ACP2: variants seen among roughly 807,000 people sequenced by gnomAD.
The protein encoded by ACP2 is acid phosphatase 2, lysosomal.
A neutral mutation model predicts 54.7 loss-of-function variants in ACP2; 35 were observed. The observed-to-expected ratio is 0.64, with a 90% CI of 0.49 to 0.85. ACP2 has a LOEUF of 0.85. ACP2 is among the 40% of genes least tolerant of loss of function. The pLI, the probability that ACP2 is intolerant of heterozygous loss-of-function variation, is 0.00. For missense variants in ACP2, 492 were observed against 565.0 expected (o/e 0.87, Z 1.31); for synonymous variants, 210 against 224.4 (o/e 0.94, Z 0.57).
At chr11:47,245,086 C>T in intron 6 of ACP2, 1 of 946,452 alleles carries the variant, frequency 1.1e-6, no homozygotes, top group Admixed American at 2.1e-5. Flanking sequence ...GAAAGGAGCT[C>T]TGGGTGGAGA....
At chr11:47,241,408 T>C (rs1168471843) in intron 10 of ACP2, among the ~76,000 whole-genome samples, 1 of 152,070 alleles carries the variant, frequency 6.6e-6, no homozygotes, top group East Asian at 1.9e-4. Context: ...TCCCAGCTAC[T>C]CGGGAGGCTG....
intron 9 of ACP2, 57 bp downstream of exon 9, chr11:47,242,961 T>C: frequency 6.2e-7 from 1 of 1,611,886 alleles, no homozygotes; most frequent in Non-Finnish European, 8.5e-7. Flanking sequence ...GTCCTTGGGC[T>C]GCCCCGAGCC....
At chr11:47,241,570 A>T (rs902192053) in intron 10 of ACP2, among the ~76,000 whole-genome samples, 1 of 152,240 alleles carries the variant, frequency 6.6e-6, no homozygotes, top group Non-Finnish European at 1.5e-5. Context: ...TAGGGACAAG[A>T]ATAGAACCAG....
chr11:47,245,193 C>G (rs759101018), intron 6 of ACP2, 112 bp downstream of exon 6: 1 of 1,223,142 alleles, frequency 8.2e-7, no homozygotes, highest in South Asian at 1.2e-5. Context: ...CACAGCCTCC[C>G]TGGACCTCCC....
chr11:47,246,586 A>G (rs1954102292), intron 3 of ACP2, among the ~76,000 whole-genome samples: 1 of 151,794 alleles, frequency 6.6e-6, no homozygotes, highest in Admixed American at 6.6e-5. Flanking sequence ...ATATATGTAT[A>G]TATTTTGGGC....
chr11:47,247,869 C>T, intron 2 of ACP2, 142 bp from the exon 3 acceptor site: 1 of 906,870 alleles, frequency 1.1e-6, no homozygotes, highest in Non-Finnish European at 1.7e-6. Context: ...ATTAAGTGGC[C>T]AGTCATGCAC....
At position 47,239,982 on chromosome 11, in the gene ACP2, C is replaced by T; in HGVS notation, c.*134G>A. On this transcript the variant is annotated 3_prime_UTR_variant, in exon 11 of 11. Transcript: ENST00000672073. ...CATGGGCCACGCTGAGCCCCACTCG[C>T]TCATCTGGCTGGGGTCATCAGAGGG... 1 of 910,492 alleles carries T rather than the reference C, an allele frequency of 1.1e-6. No individual in the cohort carries two copies. 56.4% of individuals were successfully genotyped at this position (910,492 alleles called of 1,614,324 possible).
In ACP2 at chr11:47,245,671, G is replaced by A; in HGVS notation, c.450+11C>T. ...CCCTCACCACCCCAGGGAAGGGCTG[G>A]CCACTCTTACCCTGTCCTCAGTGAT... On this transcript the variant is annotated intron_variant, in intron 4 of 10. Transcript: ENST00000672073. 1.9e-6 allele frequency: 3 copies of A among 1,613,168 alleles called. No homozygotes were observed. Among genetic ancestry groups the A allele is most frequent in the Non-Finnish European group, 2.5e-6 (3 of 1,179,244 alleles).
At chr11:47,243,651 G>A (rs1296098397) in intron 7 of ACP2, among the ~76,000 whole-genome samples, 1 of 152,156 alleles carries the variant, frequency 6.6e-6, no homozygotes, top group Non-Finnish European at 1.5e-5. Flanking sequence ...GTGCATGCCC[G>A]GGTAACTACC....
In ACP2 at chr11:47,245,690, C is replaced by A; in HGVS notation, c.442G>T (p.Glu148Ter). 1 of 1,613,038 alleles carries A rather than the reference C, an allele frequency of 6.2e-7. No homozygotes were observed. The change falls in exon 4 of 11, where the codon GAG (glutamate) becomes TAG (stop). Residue 148 changes from glutamate to a stop codon, truncating the protein, a stop_gained. Transcript: ENST00000672073. LOFTEE classifies it high-confidence loss of function. Reference sequence around the variant, plus strand: ...GGGCTGGCCACTCTTACCCTGTCCTCAGTGATGGGCACAGTGTGCACAGGA... The same window carrying A: ...GGGCTGGCCACTCTTACCCTGTCCTAAGTGATGGGCACAGTGTGCACAGGA... ...PIPVHTVPIT[E>*]DRLLKFPLGP...
In ACP2 at chr11:47,239,954, C is replaced by A. The variant is rs949615692; in HGVS notation, c.*162G>T. ...AGGCATGGGAATGCTGAGTGACAGGCACCATGGGCCACGCTGAGCCCCACT... is the reference window on the plus strand; with the variant it reads ...AGGCATGGGAATGCTGAGTGACAGGAACCATGGGCCACGCTGAGCCCCACT... On this transcript the variant is annotated 3_prime_UTR_variant, in exon 11 of 11. Transcript: ENST00000672073. The A allele has an allele frequency of 1.8e-5, 12 of 666,896 alleles. No individual in the cohort carries two copies. The highest frequency in any genetic ancestry group is 3.0e-5 in the Non-Finnish European group (12 of 397,964). The allele number at this position is 666,896 out of a possible 1,614,324, so 41.3% of individuals were successfully genotyped here.
In ACP2 at chr11:47,240,108, A is replaced by G; in HGVS notation, c.*8T>C. ...CTAGGAGGTGGAGGGAAGGGGGCTGAGTGGTTGTCAGGCGTGGTCCTCCCC... is the reference window on the plus strand; with the variant it reads ...CTAGGAGGTGGAGGGAAGGGGGCTGGGTGGTTGTCAGGCGTGGTCCTCCCC... On this transcript the variant is annotated 3_prime_UTR_variant, in exon 11 of 11. Coordinates refer to ENST00000672073, the MANE Select transcript of ACP2 (RefSeq NM_001610.4). 1 of 1,612,166 alleles carries G rather than the reference A, an allele frequency of 6.2e-7. No individual in the cohort carries two copies. The highest frequency in any genetic ancestry group is 8.5e-7 in the Non-Finnish European group (1 of 1,179,310).
Position 47,247,735 on chromosome 11 carries a change from C to T in ACP2, c.211-8G>A, listed in dbSNP as rs773275558. 1 of 1,613,090 alleles carries T rather than the reference C, an allele frequency of 6.2e-7. No individual in the cohort carries two copies. The highest frequency in any genetic ancestry group is 8.5e-7 in the Non-Finnish European group (1 of 1,179,806). On this transcript the variant is annotated splice_region_variant and splice_polypyrimidine_tract_variant and intron_variant, in intron 2 of 10. Coordinates refer to ENST00000672073, the MANE Select transcript of ACP2 (RefSeq NM_001610.4). The stretch of plus-strand genomic sequence containing the variant: ...GTGCTGTAGCATCCCCTCCTGTGGG[C>T]AAACCCAAGGGTTAAGAGGGTCTAG...
Position 47,245,601 on chromosome 11 carries a change from C to T in ACP2, c.451-29G>A, listed in dbSNP as rs375804831. ...TAGAGCGAAGCGGGGAAACAGGCAG[C>T]GGGAAAAGGAGCCTGGCATCAGCAG... On this transcript the variant is annotated intron_variant, in intron 4 of 10. Transcript: ENST00000672073. 108 of 1,614,174 alleles carry T rather than the reference C, an allele frequency of 6.7e-5. No individual in the cohort carries two copies. In the South Asian group the frequency reaches 8.2e-4, roughly 12 times the overall value.
At chr11:47,244,708 G>C (rs1305594952) in intron 7 of ACP2, 27 bp downstream of exon 7, 1 of 1,568,304 alleles carries the variant, frequency 6.4e-7, no homozygotes, top group African/African-American at 1.3e-5. Flanking sequence ...CTGAGGAGTA[G>C]AGTGACACGC....
At chr11:47,240,370 T>C (rs1591007899) in intron 10 of ACP2, 121 bp from the exon 11 acceptor site, 2 of 612,390 alleles carry the variant, frequency 3.3e-6, no homozygotes, top group East Asian at 5.8e-5. Context: ...TCATGGAGTT[T>C]ACATTCTAGG....
chr11:47,242,738 C>T lies in ACP2; in HGVS notation c.1123G>A (p.Gly375Ser), dbSNP rs370922463. ...GACAGCTCACCTGTGTCTGCAGGACCGCTTGCCAGCTGGCACTCCTGCTGC... is the reference window on the plus strand; with the variant it reads ...GACAGCTCACCTGTGTCTGCAGGACTGCTTGCCAGCTGGCACTCCTGCTGC... ...DWQQECQLAS[G>S]PADTEVIVAL... is the part of the protein sequence containing the mutation. The change falls in exon 10 of 11, where the codon GGT becomes AGT. Residue 375 changes from glycine (G) to serine (S), a missense_variant. By Grantham distance (56) the Gly-to-Ser change is moderately conservative (BLOSUM62 0). Transcript: ENST00000672073. 28 of 1,613,354 alleles carry T rather than the reference C, an allele frequency of 1.7e-5. No individual in the cohort carries two copies. The highest frequency in any genetic ancestry group is 8.0e-5 in the African/African-American group (6 of 74,912).
chr11:47,246,084 G>A (rs1157157685), intron 3 of ACP2, among the ~76,000 whole-genome samples: 1 of 152,258 alleles, frequency 6.6e-6, no homozygotes, highest in East Asian at 1.9e-4. Flanking sequence ...ACTCCACTGG[G>A]GGTTGTCACC....
intron 7 of ACP2, among the ~76,000 whole-genome samples, chr11:47,244,130 C>A (rs1953968643): frequency 6.6e-6 from 1 of 151,260 alleles, no homozygotes; most frequent in Non-Finnish European, 1.5e-5. Context: ...GAGCAAGACT[C>A]TGTCTCAAAA....
Sources: gnomAD v4.1 joint callset for allele counts (sites outside exome capture counted in the v4.1 genomes callset) on GRCh38, gnomAD v4.1.1 for gene constraint, MANE v1.5 for transcripts, NCBI Gene and HGNC (gene_info 2026-07-23, HGNC 2026-07-21) for gene names.